MYO1F: variants seen among roughly 807,000 people sequenced by gnomAD.
MYO1F encodes the protein myosin IF.
A neutral mutation model predicts 146.6 loss-of-function variants in MYO1F; 60 were observed. The observed-to-expected ratio is 0.41, with a 90% CI of 0.33 to 0.51. The LOEUF is 0.51. Among genes scored for constraint, MYO1F ranks in the 20% least tolerant of loss-of-function variants. The pLI, the probability that MYO1F is intolerant of heterozygous loss-of-function variation, is 0.25. For missense variants in MYO1F, 1,274 were observed against 1,534.3 expected, an observed-to-expected ratio of 0.83 and a Z score of 2.83; for synonymous variants, 602 against 602.1, an observed-to-expected ratio of 1.00 and a Z score of 0.00.
intron 19 of MYO1F, among the ~76,000 whole-genome samples, chr19:8,534,574 G>A (rs1972625747): frequency 6.6e-6 from 1 of 151,730 alleles, no homozygotes; most frequent in Non-Finnish European, 1.5e-5. Context: ...CCAAAGTGCT[G>A]GGATTACAGT....
intron 21 of MYO1F, chr19:8,529,773 T>C: frequency 3.0e-6 from 1 of 337,108 alleles, no homozygotes; most frequent in East Asian, 7.5e-5. Flanking sequence ...GCATGTTTGA[T>C]GGACAGCTGT....
At chr19:8,551,975 T>G (rs779289407) in intron 7 of MYO1F, 58 bp downstream of exon 7, 1 of 1,613,844 alleles carries the variant, frequency 6.2e-7, no homozygotes, top group Non-Finnish European at 8.5e-7. Context: ...TACCTTCCCA[T>G]TGTCCACCCC....
At position 8,530,307 on chromosome 19, in the gene MYO1F, G is replaced by C; in HGVS notation, c.2217C>G (p.Phe739Leu). ...CCTCCAGCCCCAGGTAGTCCCCGACGAAGTTCCGATTGATGCTGTTGCGCC... is the reference window on the plus strand; with the variant it reads ...CCTCCAGCCCCAGGTAGTCCCCGACCAAGTTCCGATTGATGCTGTTGCGCC... ...ERRRNSINRN[F>L]VGDYLGLEER... The change falls in exon 21 of 28, where the codon TTC becomes TTG. Residue 739 changes from phenylalanine to leucine, a missense_variant. By Grantham distance (22) the Phe-to-Leu change is conservative. Coordinates refer to ENST00000644032, the MANE Select transcript of MYO1F (RefSeq NM_012335.4). The surrounding 1 kb of genome is among the most constrained non-coding windows in gnomAD (Gnocchi z 5.8). 1 of 1,614,120 alleles carries C rather than the reference G, an allele frequency of 6.2e-7. No homozygotes were observed. Among genetic ancestry groups the C allele is most frequent in the Non-Finnish European group, 8.5e-7 (1 of 1,180,028 alleles).
intron 19 of MYO1F, among the ~76,000 whole-genome samples, chr19:8,532,541 A>T (rs532823633): frequency 2.5e-4 from 38 of 152,304 alleles, no homozygotes; most frequent in Non-Finnish European, 1.6e-4. Flanking sequence ...CCTACTTCAA[A>T]GAGAAACTGT....
intron 1 of MYO1F, among the ~76,000 whole-genome samples, chr19:8,573,310 CAAA>C (rs1294532309): frequency 6.9e-6 from 1 of 145,484 alleles, no homozygotes; most frequent in East Asian, 2.0e-4. Flanking sequence ...GACTCTGTCT[CAAA>C]AAAAAAAGAA....
intron 1 of MYO1F, among the ~76,000 whole-genome samples, chr19:8,558,410 C>CAGTGAT (rs1187207868): frequency 6.6e-6 from 1 of 152,022 alleles, no homozygotes; most frequent in Admixed American, 6.6e-5. Context: ...AAGTGATCCT[C>CAGTGAT]CCACCTCAGC....
At chr19:8,523,188 C>T (rs938210964) in intron 25 of MYO1F, among the ~76,000 whole-genome samples, 9 of 151,812 alleles carry the variant, frequency 5.9e-5, no homozygotes, top group South Asian at 4.2e-4. Flanking sequence ...CCTGCCACCA[C>T]GCCTGGATAA....
intron 15 of MYO1F, 28 bp from the exon 16 acceptor site, chr19:8,540,056 T>C: frequency 6.3e-7 from 1 of 1,589,166 alleles, no homozygotes; most frequent in Non-Finnish European, 8.6e-7. Context: ...GAGGAGGAGT[T>C]GGAGGTATGG....
chr19:8,526,681 GGGGCCGCGGCCGGGGCCGAA>G, intron 23 of MYO1F, 80 bp from the exon 24 acceptor site: 1 of 1,540,184 alleles, frequency 6.5e-7, no homozygotes, highest in Non-Finnish European at 8.7e-7. Flanking sequence ...GGGCAGGGGC[GGGGCCGCGGCCGGGGCCGAA>G]GCGCAGTTCG....
chr19:8,546,842 C>A (rs1455352292), intron 12 of MYO1F, among the ~76,000 whole-genome samples: 2 of 151,968 alleles, frequency 1.3e-5, no homozygotes, highest in Non-Finnish European at 2.9e-5. Context: ...CCACACCTGG[C>A]TAAGTTTTAT....
intron 1 of MYO1F, among the ~76,000 whole-genome samples, chr19:8,564,843 G>T (rs2041973436): frequency 6.6e-6 from 1 of 151,868 alleles, no homozygotes; most frequent in Non-Finnish European, 1.5e-5. Flanking sequence ...TATGATTTCG[G>T]CTCACTGCAA....
rs767888256 is a variant in MYO1F at position 8,550,361 on chromosome 19, C to G, written c.905-5G>C. ...GGTAGGCGGGAAAGGCCAGGACTAC[C>G]AGGGCAAAGGTCAGGGCAAAAATGG... On this transcript the variant is annotated splice_polypyrimidine_tract_variant and splice_region_variant and intron_variant, in intron 9 of 27. Transcript: ENST00000644032. 6.2e-7 allele frequency: 1 copy of G among 1,609,186 alleles called. No homozygotes were observed. Among genetic ancestry groups the G allele is most frequent in the Admixed American group, 1.7e-5 (1 of 58,984 alleles).
In MYO1F at chr19:8,568,135, C is replaced by T. The variant is rs1409929667; in HGVS notation, c.3+9172G>A. ...CATGCTCCAGCCACCTGTAAAATCA[C>T]AGGCTGGGCCGGGCACGGTGGCTCA... On this transcript the variant is annotated intron_variant, in intron 1 of 27. Transcript: ENST00000644032. Among the ~76,000 whole-genome samples the T allele has an allele frequency of 1.5e-4, 23 of 152,140 alleles. 1 individual carries two copies. Among genetic ancestry groups the T allele is most frequent in the Admixed American group, 1.5e-3 (23 of 15,254 alleles).
chr19:8,527,644 A>G (rs949977038), intron 21 of MYO1F, among the ~76,000 whole-genome samples, 161 bp from the exon 22 acceptor site: 1 of 151,978 alleles, frequency 6.6e-6, no homozygotes, highest in African/African-American at 2.4e-5. Flanking sequence ...ACAGGGTCTC[A>G]CTCTGTCGCT....
chr19:8,574,633 CTTTCTTTCTTTCCT>C (rs2042193722), intron 1 of MYO1F, among the ~76,000 whole-genome samples: 2 of 42,544 alleles, frequency 4.7e-5, no homozygotes, highest in Admixed American at 7.4e-4. Flanking sequence ...TTCTTTCTTT[CTTTCTTTCTTTCCT>C]TTCTTTCTCT....
Position 8,539,933 on chromosome 19 carries a change from C to T in MYO1F, c.1692+14G>A, listed in dbSNP as rs202056749. 6.0e-4 allele frequency: 963 copies of T among 1,610,946 alleles called. 4 individuals are homozygous for T. The African/African-American group carries it at 0.01, about 17-fold the overall frequency. On this transcript the variant is annotated intron_variant, in intron 16 of 27. Transcript: ENST00000644032. Reference sequence around the variant, plus strand: ...TCTGCAGGCCCAGCTCCCCGTTGTACACCCCAGGCCCACCTTGATCTTGGA... The same window carrying T: ...TCTGCAGGCCCAGCTCCCCGTTGTATACCCCAGGCCCACCTTGATCTTGGA...
At position 8,530,765 on chromosome 19, in the gene MYO1F, C is replaced by T. The variant is rs1262424627; in HGVS notation, c.2044-192G>A. Among the ~76,000 whole-genome samples, 3 of 152,186 alleles carry T rather than the reference C, an allele frequency of 2.0e-5. No homozygotes were observed. Among genetic ancestry groups the T allele is most frequent in the Admixed American group, 1.3e-4 (2 of 15,272 alleles). ...AAGAAAAGAAGAAAAAGGGGCCGGG[C>T]GCAGTGGCTCACGCCTGTAATCCTA... On this transcript the variant is annotated intron_variant, in intron 19 of 27. Transcript: ENST00000644032. This position sits in a 1 kb window ranked among gnomAD's most constrained non-coding sequence, Gnocchi z 5.8.
chr19:8,547,988 C>T lies in MYO1F; in HGVS notation c.1269+48G>A, dbSNP rs200467110. The T allele has an allele frequency of 5.2e-3, 5,615 of 1,069,954 alleles. 351 individuals carry two copies. The highest frequency in any genetic ancestry group is 7.1e-3 in the Non-Finnish European group (4,902 of 691,882). The allele number at this position is 1,069,954 out of a possible 1,614,324, so 66.3% of individuals were successfully genotyped here. A position where few individuals can be genotyped will look rare whatever the true frequency, so the allele number is the denominator to read the frequency against. On this transcript the variant is annotated intron_variant, in intron 12 of 27. Coordinates refer to ENST00000644032, the MANE Select transcript of MYO1F (RefSeq NM_012335.4). ...TAAGGGATCCTCATGGTCCTTCCACCCCACCCCCACCCCAGGATCCCCCAT... is the reference window on the plus strand; with the variant it reads ...TAAGGGATCCTCATGGTCCTTCCACTCCACCCCCACCCCAGGATCCCCCAT...
Position 8,521,045 on chromosome 19 carries a change from A to G in MYO1F, c.*483T>C, listed in dbSNP as rs917032442. 1 of 261,598 alleles carries G rather than the reference A, an allele frequency of 3.8e-6. No homozygotes were observed. 16.2% of individuals were successfully genotyped at this position (261,598 alleles called of 1,614,324 possible). On this transcript the variant is annotated 3_prime_UTR_variant, in exon 28 of 28. Transcript: ENST00000644032. ...TTCCACCTGTAAGATGGGGTCCTTCACAGCTCCTACCTCACAGGGCTGTGA... is the reference window on the plus strand; with the variant it reads ...TTCCACCTGTAAGATGGGGTCCTTCGCAGCTCCTACCTCACAGGGCTGTGA...
Sources: allele counts gnomAD v4.1 joint callset (sites outside exome capture counted in the v4.1 genomes callset), GRCh38; gene constraint gnomAD v4.1.1; non-coding constraint Gnocchi (gnomAD v3.1); transcripts MANE v1.5; gene names NCBI Gene and HGNC (gene_info 2026-07-23, HGNC 2026-07-21).